Variants in ITGAV observed in about 807,000 individuals in gnomAD.
The protein encoded by ITGAV is integrin alpha-V.
In ITGAV, 76 loss-of-function variants were observed where a neutral mutation model predicts 143.8. That is an observed-to-expected ratio of 0.53 (90% CI 0.44 to 0.64). The LOEUF is 0.64. Ranked by LOEUF, ITGAV falls within the 30% of genes least tolerant of loss-of-function variation. ITGAV has a pLI of 0.00. For missense variants in ITGAV, 1,193 were observed against 1,274.7 expected, an observed-to-expected ratio of 0.94 and a Z score of 0.98; for synonymous variants, 453 against 446.7, an observed-to-expected ratio of 1.01 and a Z score of -0.18.
Position 186,639,821 on chromosome 2 carries a change from G to A in ITGAV, c.904-1094G>A, listed in dbSNP as rs574140182. Among the ~76,000 whole-genome samples, 280 of 152,264 alleles carry A rather than the reference G, an allele frequency of 1.8e-3. 1 individual carries two copies. Among genetic ancestry groups the A allele is most frequent in the African/African-American group, 6.5e-3 (269 of 41,558 alleles). ...CGGGACAAAGTGTGTCTCAGTAAAT[G>A]CCATCCTTTCTTTACACTTCCAAGC... is the stretch of plus-strand genomic sequence containing the variant. On this transcript the variant is annotated intron_variant, in intron 10 of 29. Transcript: ENST00000261023.
At chr2:186,651,185 G>A (rs1359133927) in intron 14 of ITGAV, among the ~76,000 whole-genome samples, 2 of 152,166 alleles carry the variant, frequency 1.3e-5, no homozygotes, top group Non-Finnish European at 1.5e-5. Context: ...ATACATGGCA[G>A]GAACACTAAC....
intron 8 of ITGAV, 47 bp downstream of exon 8, chr2:186,637,156 A>G (rs1178847754): frequency 6.7e-7 from 1 of 1,490,908 alleles, no homozygotes; most frequent in Non-Finnish European, 9.4e-7. Context: ...AATTAGATTA[A>G]GTATTTGAAA....
intron 22 of ITGAV, 26 bp downstream of exon 22, chr2:186,666,809 A>T (rs1268408059): frequency 8.5e-7 from 1 of 1,181,190 alleles, no homozygotes; most frequent in Non-Finnish European, 1.2e-6. Flanking sequence ...ATATTCACTT[A>T]TAACTATCAA....
rs1048096207 is a variant in ITGAV at position 186,678,316 on chromosome 2, G to A, written c.*1024G>A. ...TATTTCCAAAACTGTTACTGAGAAT[G>A]GGTCAAGATCAGTGAGAAATCTTTA... On this transcript the variant is annotated 3_prime_UTR_variant, in exon 30 of 30. Coordinates refer to ENST00000261023, the MANE Select transcript of ITGAV (RefSeq NM_002210.5). The A allele has an allele frequency of 6.5e-6, 1 of 154,188 alleles. No individual in the cohort carries two copies. The highest frequency in any genetic ancestry group is 2.4e-5 in the African/African-American group (1 of 41,408). The allele number at this position is 154,188 out of a possible 1,614,324, so 9.6% of individuals were successfully genotyped here.
chr2:186,616,479 C>T (rs989693679), intron 2 of ITGAV, among the ~76,000 whole-genome samples: 1 of 151,572 alleles, frequency 6.6e-6, no homozygotes, highest in African/African-American at 2.4e-5. Flanking sequence ...GGGGTTTCAC[C>T]GTGTTAGCCA....
intron 1 of ITGAV, among the ~76,000 whole-genome samples, chr2:186,592,062 C>T (rs1276721486): frequency 6.6e-6 from 1 of 152,118 alleles, no homozygotes; most frequent in Non-Finnish European, 1.5e-5. Context: ...TTTAGTTGCT[C>T]CCAAGGGTTC....
rs200047795 is a variant in ITGAV, at chr2:186,602,168, A to T, written c.316+17A>T. The T allele has an allele frequency of 2.0e-5, 32 of 1,593,798 alleles. No homozygotes were observed. Among genetic ancestry groups the T allele is most frequent in the Non-Finnish European group, 2.6e-5 (31 of 1,172,342 alleles). ...ATGCAACAGGTAAATTTTGATGCAC[A>T]ATTTTCTTTTCATTGATTTCATTTG... On this transcript the variant is annotated intron_variant, in intron 2 of 29. Coordinates refer to ENST00000261023, the MANE Select transcript of ITGAV (RefSeq NM_002210.5).
rs1257744621 is a variant in ITGAV at position 186,680,204 on chromosome 2, G to C, written c.*2912G>C. The C allele has an allele frequency of 6.6e-6, 1 of 152,032 alleles. No individual in the cohort carries two copies. The highest frequency in any genetic ancestry group is 1.5e-5 in the Non-Finnish European group (1 of 67,954). The allele number at this position is 152,032 out of a possible 1,614,324, so 9.4% of individuals were successfully genotyped here. On this transcript the variant is annotated 3_prime_UTR_variant, in exon 30 of 30. Transcript: ENST00000261023. ...GTCACCTTGTTTGCATTCTTGGATA[G>C]CTTGTATATGTAGTAGTTTGATGAA...
chr2:186,661,657 C>T lies in ITGAV; in HGVS notation c.1858-2111C>T, dbSNP rs866567761. Reference sequence around the variant, plus strand: ...CTGTTGCCAGGCTGAAGTGCAGTGGCGCAATCTTGGCTCACTGCAACCTCC... The same window carrying T: ...CTGTTGCCAGGCTGAAGTGCAGTGGTGCAATCTTGGCTCACTGCAACCTCC... On this transcript the variant is annotated intron_variant, in intron 18 of 29. Coordinates refer to ENST00000261023, the MANE Select transcript of ITGAV (RefSeq NM_002210.5). Among the ~76,000 whole-genome samples the T allele has an allele frequency of 1.3e-4, 20 of 148,558 alleles. 1 individual carries two copies. Among genetic ancestry groups the T allele is most frequent in the South Asian group, 1.1e-3 (5 of 4,722 alleles).
intron 26 of ITGAV, 130 bp downstream of exon 26, chr2:186,669,944 T>C (rs1574503591): frequency 1.5e-6 from 1 of 663,886 alleles, no homozygotes; most frequent in East Asian, 2.9e-5. Context: ...ATACCATGCA[T>C]TCCTCTCACT....
In ITGAV at chr2:186,625,602, T is replaced by C; in HGVS notation, c.523+15T>C. The stretch of plus-strand genomic sequence containing the variant: ...ATGTAGATCACGTATGTATAGGATA[T>C]TGTACCAGCTTTTAAGAAGAGGGGT... On this transcript the variant is annotated intron_variant, in intron 4 of 29. Coordinates refer to ENST00000261023, the MANE Select transcript of ITGAV (RefSeq NM_002210.5). 6.4e-7 allele frequency: 1 copy of C among 1,570,452 alleles called. No individual in the cohort carries two copies.
chr2:186,602,285 A>G, intron 2 of ITGAV, 134 bp downstream of exon 2: 1 of 611,528 alleles, frequency 1.6e-6, no homozygotes, highest in Non-Finnish European at 2.7e-6. Flanking sequence ...AATTATATAA[A>G]GACAAACGAT....
At chr2:186,598,557 C>A (rs962420258) in intron 1 of ITGAV, among the ~76,000 whole-genome samples, 5 of 151,626 alleles carry the variant, frequency 3.3e-5, no homozygotes, top group Admixed American at 6.6e-5. Flanking sequence ...CCTGCCTCAG[C>A]CTCCCGAGTA....
Position 186,657,025 on chromosome 2 carries a change from G to C in ITGAV, c.1719+624G>C, listed in dbSNP as rs66470626. On this transcript the variant is annotated intron_variant, in intron 17 of 29. Coordinates refer to ENST00000261023, the MANE Select transcript of ITGAV (RefSeq NM_002210.5). ...ACACACACACACACACACACACACAGAAGCCACTAGAAGAAGCATCAGATT... is the reference window on the plus strand; with the variant it reads ...ACACACACACACACACACACACACACAAGCCACTAGAAGAAGCATCAGATT... Among the ~76,000 whole-genome samples, 15 of 82,486 alleles carry C rather than the reference G, an allele frequency of 1.8e-4. 1 individual carries two copies. The highest frequency in any genetic ancestry group is 3.1e-4 in the Non-Finnish European group (12 of 38,812). The allele number at this position is 82,486 out of a possible 152,430, so 54.1% of individuals were successfully genotyped here.
intron 16 of ITGAV, among the ~76,000 whole-genome samples, chr2:186,655,545 C>A (rs558003774): frequency 6.6e-6 from 1 of 152,246 alleles, no homozygotes; most frequent in South Asian, 2.1e-4. Context: ...AGCAAAATAA[C>A]CCCGGGTATT....
Position 186,649,867 on chromosome 2 carries a change from A to ATCTCGGTGG in ITGAV, c.1381_1382insTCGGTGGTC (p.Asp460_Arg461insLeuGlyGly). 6.3e-7 allele frequency: 1 copy of ATCTCGGTGG among 1,593,760 alleles called. No homozygotes were observed. Among genetic ancestry groups the ATCTCGGTGG allele is most frequent in the Non-Finnish European group, 8.6e-7 (1 of 1,169,536 alleles). ...TTAATTGTAGGAGCTTTTGGTGTAG[A>ATCTCGGTGG]TCGAGCTATCTTATACAGGTGAGCA... On this transcript the variant is annotated inframe_insertion, in exon 14 of 30. Coordinates refer to ENST00000261023, the MANE Select transcript of ITGAV (RefSeq NM_002210.5).
intron 8 of ITGAV, among the ~76,000 whole-genome samples, chr2:186,637,393 TCTCCAG>T (rs1687975977): frequency 6.7e-6 from 1 of 148,278 alleles, no homozygotes; most frequent in Non-Finnish European, 1.5e-5. Context: ...GGTGGGAGGA[TCTCCAG>T]AGCCCAGGGA....
chr2:186,654,588 GATA>G (rs1280719475), intron 15 of ITGAV, 59 bp from the exon 16 acceptor site: 2 of 774,448 alleles, frequency 2.6e-6, no homozygotes, highest in Non-Finnish European at 4.4e-6. Context: ...AGATGTGGGT[GATA>G]ATAAAAATAT....
chr2:186,676,480 T>G (rs567813901), intron 28 of ITGAV, among the ~76,000 whole-genome samples: 4 of 152,264 alleles, frequency 2.6e-5, no homozygotes, highest in African/African-American at 7.2e-5. Context: ...GGCGCAGGCC[T>G]GTAATTCCAA....
Sources: gnomAD v4.1 joint callset for allele counts (sites outside exome capture counted in the v4.1 genomes callset) on GRCh38, gnomAD v4.1.1 for gene constraint, MANE v1.5 for transcripts, NCBI Gene and HGNC (gene_info 2026-07-23, HGNC 2026-07-21) for gene names.